The following PLCG2 variants were observed in gnomAD, a reference collection of about 807,000 sequenced individuals.
PLCG2 encodes the protein phospholipase C gamma 2, also known as 1-phosphatidylinositol 4,5-bisphosphate phosphodiesterase gamma-2.
PLCG2 carries 69 observed loss-of-function variants against 175.6 expected under a neutral mutation model. The ratio of observed to expected loss-of-function variants is 0.39; its 90% CI spans 0.32 to 0.48. PLCG2 has a LOEUF of 0.48. Among genes scored for constraint, PLCG2 ranks in the 20% least tolerant of loss-of-function variants. PLCG2 has a pLI of 0.91. For synonymous variants in PLCG2, 827 were observed against 624.0 expected (o/e 1.33, Z -4.85); for missense variants, 1,798 against 1,650.9 (o/e 1.09, Z -1.54).
At chr16:81,925,770 C>T (rs1230884662) in intron 22 of PLCG2, among the ~76,000 whole-genome samples, 1 of 152,078 alleles carries the variant, frequency 6.6e-6, no homozygotes, top group South Asian at 2.1e-4. Context: ...TGCCATAATC[C>T]CAGCTACTGG....
chr16:81,926,755 C>G (rs1954730270), intron 22 of PLCG2, among the ~76,000 whole-genome samples: 1 of 152,202 alleles, frequency 6.6e-6, no homozygotes, highest in African/African-American at 2.4e-5. Flanking sequence ...AATTCACAAC[C>G]TCCCCGAAAT....
At chr16:81,947,172 A>G (rs2143756876) in intron 31 of PLCG2, among the ~76,000 whole-genome samples, 1 of 152,348 alleles carries the variant, frequency 6.6e-6, no homozygotes, top group Non-Finnish European at 1.5e-5. Context: ...CCAGCAGCAG[A>G]GAAAATTAGT....
intron 31 of PLCG2, among the ~76,000 whole-genome samples, chr16:81,951,547 C>G (rs941691859): frequency 6.6e-6 from 1 of 152,258 alleles, no homozygotes; most frequent in Non-Finnish European, 1.5e-5. Context: ...GTAAGAAGAA[C>G]AATGGAAATC....
intron 31 of PLCG2, among the ~76,000 whole-genome samples, chr16:81,947,174 A>G (rs1750826433): frequency 6.6e-6 from 1 of 152,214 alleles, no homozygotes; most frequent in African/African-American, 2.4e-5. Flanking sequence ...AGCAGCAGAG[A>G]AAATTAGTAT....
chr16:81,936,224 C>T lies in PLCG2; in HGVS notation c.2898C>T (p.Ile966=), dbSNP rs61749046. The change falls in exon 27 of 33, where the codon ATC becomes ATT. Residue 966 remains isoleucine (I), a synonymous_variant. Transcript: ENST00000564138. Reference sequence around the variant, plus strand: ...TTGTGGAGACGAAGGCTGACAGCATCATCAGACAGAAGCCCGTCGACCTCC... The same window carrying T: ...TTGTGGAGACGAAGGCTGACAGCATTATCAGACAGAAGCCCGTCGACCTCC... ...RSFVETKADS[I]IRQKPVDLLK... The T allele has an allele frequency of 7.3e-5, 118 of 1,614,080 alleles. No individual in the cohort carries two copies. Among genetic ancestry groups the T allele is most frequent in the Middle Eastern group, 3.3e-4 (2 of 6,084 alleles).
chr16:81,767,732 C>T (rs1364047452), intron 2 of PLCG2: 1 of 152,132 alleles, frequency 6.6e-6, no homozygotes, highest in African/African-American at 2.4e-5. Flanking sequence ...CTCACCCCTC[C>T]CCAATTCCCT....
At chr16:81,911,790 CTTTTTTTT>C (rs35027472) in intron 18 of PLCG2, among the ~76,000 whole-genome samples, 18 of 67,252 alleles carry the variant, frequency 2.7e-4, no homozygotes, top group South Asian at 6.1e-4. Flanking sequence ...TTTGTATTTC[CTTTTTTTT>C]TTTTTTTTTT....
chr16:81,860,093 C>G (rs968575573), intron 5 of PLCG2, among the ~76,000 whole-genome samples: 1 of 151,380 alleles, frequency 6.6e-6, no homozygotes, highest in Non-Finnish European at 1.5e-5. Flanking sequence ...GCCTCAGCCT[C>G]CTGAGTAGCT....
intron 2 of PLCG2, among the ~76,000 whole-genome samples, chr16:81,818,659 T>C (rs1375166918): frequency 6.6e-6 from 1 of 152,056 alleles, no homozygotes; most frequent in East Asian, 1.9e-4. Flanking sequence ...ACCTTTTCTC[T>C]GCAGCAGCAA....
At chr16:81,778,024 A>AC (rs1367286342), upstream of PLCG2, among the ~76,000 whole-genome samples, 1,179 of 59,342 alleles carry the variant, frequency 0.02, 53 homozygotes, top group African/African-American at 0.089. Flanking sequence ...CTCAAAAAAA[A>AC]AAAAAAACAA....
intron 1 of PLCG2, among the ~76,000 whole-genome samples, chr16:81,743,200 A>G (rs1434744478): frequency 6.6e-6 from 1 of 152,204 alleles, no homozygotes; most frequent in African/African-American, 2.4e-5. Context: ...AGGAAGAAAA[A>G]GATAGCTGGG....
intron 2 of PLCG2, among the ~76,000 whole-genome samples, chr16:81,797,249 T>C (rs565651029): frequency 1.3e-5 from 2 of 151,912 alleles, no homozygotes; most frequent in East Asian, 3.9e-4. Flanking sequence ...GGGAGGGATC[T>C]AGTTAAAGAT....
intron 23 of PLCG2, 93 bp from the exon 24 acceptor site, chr16:81,928,465 C>T: frequency 1.3e-6 from 1 of 798,796 alleles, no homozygotes; most frequent in Non-Finnish European, 2.3e-6. Flanking sequence ...GTTCCACAGG[C>T]AGTATCTCTG....
intron 2 of PLCG2, among the ~76,000 whole-genome samples, chr16:81,811,435 C>T (rs1382072574): frequency 6.6e-6 from 1 of 152,220 alleles, no homozygotes; most frequent in East Asian, 1.9e-4. Flanking sequence ...GATGGATTCC[C>T]TAGGCTGGGA....
chr16:81,883,986 A>G (rs947768647), intron 9 of PLCG2, among the ~76,000 whole-genome samples: 3 of 152,208 alleles, frequency 2.0e-5, no homozygotes, highest in Non-Finnish European at 2.9e-5. Flanking sequence ...GCCGGCATCT[A>G]GCAGGTCAAC....
At chr16:81,893,399 C>A (rs1285402292) in intron 11 of PLCG2, among the ~76,000 whole-genome samples, 1 of 151,822 alleles carries the variant, frequency 6.6e-6, no homozygotes, top group African/African-American at 2.4e-5. Flanking sequence ...TCTTCTGCAG[C>A]TTTTTTTGCT....
At chr16:81,764,802 T>C (rs143527803) in intron 2 of PLCG2, among the ~76,000 whole-genome samples, 1 of 152,116 alleles carries the variant, frequency 6.6e-6, no homozygotes, top group Non-Finnish European at 1.5e-5. Context: ...CATCCTAAAT[T>C]GATGAGGCTG....
intron 1 of PLCG2, among the ~76,000 whole-genome samples, chr16:81,784,100 C>G (rs141057774): frequency 7.2e-5 from 11 of 152,254 alleles, no homozygotes; most frequent in African/African-American, 2.6e-4. Context: ...GTCTGTTTCC[C>G]CATGGGCAGA....
intron 19 of PLCG2, among the ~76,000 whole-genome samples, chr16:81,913,154 AG>A (rs1214660424): frequency 6.6e-6 from 1 of 152,142 alleles, no homozygotes; most frequent in African/African-American, 2.4e-5. Flanking sequence ...AACCACCTCT[AG>A]GCCTGTGGTT....
Sources: gnomAD v4.1 joint callset for allele counts (sites outside exome capture counted in the v4.1 genomes callset) on GRCh38, gnomAD v4.1.1 for gene constraint, MANE v1.5 for transcripts, NCBI Gene and HGNC (gene_info 2026-07-23, HGNC 2026-07-21) for gene names.